OTUD7B: variants seen among roughly 807,000 people sequenced by gnomAD.
OTUD7B encodes OTU deubiquitinase 7B.
A neutral mutation model predicts 82.2 loss-of-function variants in OTUD7B; 34 were observed. The ratio of observed to expected loss-of-function variants is 0.41; its 90% CI spans 0.31 to 0.55. The LOEUF is 0.55. Among genes scored for constraint, OTUD7B ranks in the 20% least tolerant of loss-of-function variants. The probability of loss-of-function intolerance (pLI) is 0.20; values close to 1 mark genes in which losing one functional copy is unlikely to be tolerated. For synonymous variants in OTUD7B, 398 were observed against 402.7 expected (o/e 0.99, Z 0.14); for missense variants, 944 against 1,062.1 (o/e 0.89, Z 1.55).
chr1:149,943,951 G>C lies in OTUD7B; in HGVS notation c.2438C>G (p.Pro813Arg). 6.2e-7 allele frequency: 1 copy of C among 1,614,224 alleles called. No homozygotes were observed. Among genetic ancestry groups the C allele is most frequent in the Non-Finnish European group, 8.5e-7 (1 of 1,180,038 alleles). Residue 813 changes from proline (P) to arginine (R), a missense_variant, in exon 12 of 12, where the codon CCT becomes CGT. Physicochemically the swap from Pro to Arg is moderately radical, Grantham distance 103 (BLOSUM62 -2). Transcript: ENST00000581312. ...ACAGGAACAGAAGTTGTTTGTCTCA[G>C]GGTGTCCATAGAAGCTGCAGTTCGG... is the stretch of plus-strand genomic sequence containing the variant. ...KQPNCSFYGH[P>R]ETNNFCSCCY...
chr1:150,021,154 A>G, the OTUD7B span, among the ~76,000 whole-genome samples: 8 of 152,140 alleles, frequency 5.3e-5, no homozygotes, highest in African/African-American at 1.9e-4. Flanking sequence ...ACCCCTAACA[A>G]TTGTTTTTAA....
rs902208440 is a variant in OTUD7B, at chr1:149,944,007, G to T, written c.2382C>A (p.Gly794=). 5.0e-6 allele frequency: 8 copies of T among 1,614,202 alleles called. No homozygotes were observed. The highest frequency in any genetic ancestry group is 3.3e-5 in the South Asian group (3 of 91,090). ...TGCATTTGGTCTGAGTTGGGGGAAG[G>T]CCCCGGAGACCTCCAGCCCATCCAT... The part of the protein sequence containing the change: ...EPDGWAGGLR[G]LPPTQTKCKQ... The change falls in exon 12 of 12, where the codon GGC becomes GGA. Residue 794 remains glycine, a synonymous_variant. Coordinates refer to ENST00000581312, the MANE Select transcript of OTUD7B (RefSeq NM_020205.4).
At chr1:150,036,710 C>G in the OTUD7B span, among the ~76,000 whole-genome samples, 1 of 152,054 alleles carries the variant, frequency 6.6e-6, no homozygotes, top group Non-Finnish European at 1.5e-5. Context: ...CACAAAGGAG[C>G]GGATCTAGAA....
Position 150,006,209 on chromosome 1 carries a change from G to C in OTUD7B, c.-67+4239C>G, listed in dbSNP as rs1261252610. ...ACACTGGCTCACGCCTGTAATCCCA[G>C]CACTTTGGGAGGCCGAGTCAGGCGG... On this transcript the variant is annotated intron_variant, in intron 1 of 11. Transcript: ENST00000581312. Among the ~76,000 whole-genome samples the C allele has an allele frequency of 3.9e-5, 6 of 152,174 alleles. No homozygotes were observed. In the East Asian group the frequency reaches 1.2e-3, roughly 29 times the overall value.
At chr1:150,061,826 A>G in the OTUD7B span, among the ~76,000 whole-genome samples, 1 of 152,190 alleles carries the variant, frequency 6.6e-6, no homozygotes, top group Admixed American at 6.5e-5. Context: ...AAGAACTTCT[A>G]TTCACTGTAA....
chr1:149,964,476 C>G (rs1350500390), intron 5 of OTUD7B, 127 bp from the exon 6 acceptor site: 10 of 769,168 alleles, frequency 1.3e-5, no homozygotes, highest in East Asian at 2.7e-5. Context: ...AAGTGACCCC[C>G]CTGCCTTACC....
intron 10 of OTUD7B, among the ~76,000 whole-genome samples, chr1:149,947,586 G>A (rs73008163): frequency 0.018 from 2,732 of 152,224 alleles, 68 homozygotes; most frequent in African/African-American, 0.059. Context: ...GATTAAAACA[G>A]TGTTTGGAAA....
At chr1:150,004,238 A>G (rs1652500823) in intron 1 of OTUD7B, among the ~76,000 whole-genome samples, 1 of 152,052 alleles carries the variant, frequency 6.6e-6, no homozygotes, top group African/African-American at 2.4e-5. Context: ...TCATACTGCT[A>G]TTCTATTCAA....
chr1:149,967,566 T>TG, intron 3 of OTUD7B, 45 bp from the exon 4 acceptor site: 1 of 1,435,538 alleles, frequency 7.0e-7, no homozygotes, highest in Non-Finnish European at 9.5e-7. Flanking sequence ...ACAGCCCACT[T>TG]GGAGAACTCT....
chr1:149,978,895 C>A (rs1650512540), intron 1 of OTUD7B, among the ~76,000 whole-genome samples: 1 of 152,206 alleles, frequency 6.6e-6, no homozygotes, highest in African/African-American at 2.4e-5. Flanking sequence ...ACCCACCAAT[C>A]CCCTGCCTTT....
chr1:150,067,026 C>G, the OTUD7B span: 10 of 152,430 alleles, frequency 6.6e-5, no homozygotes, highest in African/African-American at 2.4e-4. Context: ...GCTCAGAGCG[C>G]CGAGGCGGGG....
At chr1:149,955,812 C>G (rs1215455933) in intron 7 of OTUD7B, among the ~76,000 whole-genome samples, 1 of 152,032 alleles carries the variant, frequency 6.6e-6, no homozygotes, top group Non-Finnish European at 1.5e-5. Flanking sequence ...CTCTTTTGAT[C>G]TTTGTTGGTT....
At chr1:149,984,936 T>C (rs951147176) in intron 1 of OTUD7B, among the ~76,000 whole-genome samples, 4 of 152,188 alleles carry the variant, frequency 2.6e-5, no homozygotes, top group African/African-American at 9.7e-5. Flanking sequence ...ATCTCAGGTT[T>C]TCATAACCTG....
At chr1:149,979,783 C>G (rs1202413680) in intron 1 of OTUD7B, among the ~76,000 whole-genome samples, 2 of 152,134 alleles carry the variant, frequency 1.3e-5, no homozygotes, top group African/African-American at 4.8e-5. Flanking sequence ...CCCCCTACCC[C>G]CCAGTACAGG....
At chr1:149,970,314 T>C (rs1649823290) in intron 3 of OTUD7B, among the ~76,000 whole-genome samples, 1 of 109,558 alleles carries the variant, frequency 9.1e-6, no homozygotes. Flanking sequence ...TAATTTTTAT[T>C]CATTTATTTA....
chr1:149,949,507 A>G (rs1310558719), intron 9 of OTUD7B, 122 bp downstream of exon 9: 12 of 1,065,756 alleles, frequency 1.1e-5, no homozygotes, highest in African/African-American at 1.6e-5. Flanking sequence ...CTGGCTTAAT[A>G]AAACAGTATC....
upstream of OTUD7B, among the ~76,000 whole-genome samples, chr1:150,014,058 ATG>A (rs782449466): frequency 9.0e-3 from 791 of 87,504 alleles, 20 homozygotes; most frequent in African/African-American, 0.033. Flanking sequence ...GTGTATATAT[ATG>A]TGTGTGTGTG....
At chr1:150,059,095 C>T in the OTUD7B span, among the ~76,000 whole-genome samples, 1 of 142,294 alleles carries the variant, frequency 7.0e-6, no homozygotes, top group East Asian at 2.0e-4. Flanking sequence ...ACTCTCTTGG[C>T]CAGGCTGGAG....
chr1:149,994,100 A>C (rs1651770238), intron 1 of OTUD7B, among the ~76,000 whole-genome samples: 1 of 152,176 alleles, frequency 6.6e-6, no homozygotes, highest in South Asian at 2.1e-4. Context: ...TAATCCAAGA[A>C]ACCAACCCTT....
Sources: gnomAD v4.1 joint callset for allele counts (sites outside exome capture counted in the v4.1 genomes callset) on GRCh38, gnomAD v4.1.1 for gene constraint, MANE v1.5 for transcripts, NCBI Gene and HGNC (gene_info 2026-07-23, HGNC 2026-07-21) for gene names.